The following ACACA variants were observed in gnomAD, a reference collection of about 807,000 sequenced individuals.
The protein encoded by ACACA is acetyl-CoA carboxylase 1.
A neutral mutation model predicts 296.1 loss-of-function variants in ACACA; 103 were observed. The ratio of observed to expected loss-of-function variants is 0.35; its 90% CI spans 0.30 to 0.41. The LOEUF is 0.41. ACACA is among the 10% of genes least tolerant of loss of function. ACACA has a pLI of 1.00. For synonymous variants in ACACA, 953 were observed against 1,038.6 expected (o/e 0.92, Z 1.58); for missense variants, 1,554 against 2,989.7 (o/e 0.52, Z 11.20).
intron 41 of ACACA, among the ~76,000 whole-genome samples, chr17:37,165,764 T>C (rs922650188): frequency 1.3e-5 from 2 of 150,496 alleles, no homozygotes; most frequent in Admixed American, 6.7e-5. Flanking sequence ...AACCTTCAAC[T>C]CCTGGGCTCA....
At chr17:37,350,931 C>T (rs975638275) in intron 1 of ACACA, among the ~76,000 whole-genome samples, 5 of 151,344 alleles carry the variant, frequency 3.3e-5, no homozygotes, top group Non-Finnish European at 7.4e-5. Flanking sequence ...TCGGGAGTTC[C>T]GGACCAGCGT....
At chr17:37,264,684 C>T (rs1245996687) in intron 10 of ACACA, among the ~76,000 whole-genome samples, 1 of 152,146 alleles carries the variant, frequency 6.6e-6, no homozygotes, top group Non-Finnish European at 1.5e-5. Flanking sequence ...TTCATCATTT[C>T]TTCAATTATT....
At chr17:37,348,024 T>C (rs1317081385) in intron 1 of ACACA, among the ~76,000 whole-genome samples, 1 of 151,602 alleles carries the variant, frequency 6.6e-6, no homozygotes, top group African/African-American at 2.4e-5. Flanking sequence ...AATGCAAAAA[T>C]TAGCCAGGTG....
At chr17:37,214,904 A>G (rs1290814095) in intron 29 of ACACA, among the ~76,000 whole-genome samples, 1 of 152,250 alleles carries the variant, frequency 6.6e-6, no homozygotes, top group East Asian at 1.9e-4. Context: ...TCTCAGTACT[A>G]TCCAAAGAAA....
chr17:37,224,428 T>G (rs2079442724), intron 27 of ACACA, among the ~76,000 whole-genome samples: 1 of 152,090 alleles, frequency 6.6e-6, no homozygotes, highest in Non-Finnish European at 1.5e-5. Flanking sequence ...ATAAAGTCAT[T>G]CCTGAGAAGA....
chr17:37,135,449 T>C (rs1233710716), intron 45 of ACACA, among the ~76,000 whole-genome samples: 2 of 152,152 alleles, frequency 1.3e-5, no homozygotes, highest in African/African-American at 4.8e-5. Context: ...GCCTCTGACA[T>C]GAGCCACAGC....
chr17:37,314,950 CTTT>C (rs71284913), intron 3 of ACACA, among the ~76,000 whole-genome samples: 161 of 60,794 alleles, frequency 2.6e-3, no homozygotes, highest in African/African-American at 0.013. Context: ...GCCAGGAATG[CTTT>C]TTTTTTTTTT....
intron 45 of ACACA, 26 bp from the exon 46 acceptor site, chr17:37,130,244 C>T (rs1437461194): frequency 6.8e-6 from 11 of 1,613,496 alleles, no homozygotes; most frequent in Non-Finnish European, 9.3e-6. Flanking sequence ...AGAGAAAAGA[C>T]ATTTGTCTCT....
intron 10 of ACACA, among the ~76,000 whole-genome samples, chr17:37,270,518 A>C (rs1341029575): frequency 6.6e-6 from 1 of 152,242 alleles, no homozygotes; most frequent in Non-Finnish European, 1.5e-5. Flanking sequence ...TATAAGACAG[A>C]ATAACTCTAC....
intron 25 of ACACA, among the ~76,000 whole-genome samples, chr17:37,229,449 G>A (rs1031132021): frequency 4.5e-4 from 68 of 151,466 alleles, no homozygotes; most frequent in African/African-American, 1.5e-3. Flanking sequence ...GACTACAGGC[G>A]CCCGCCACCA....
chr17:37,376,411 C>T (rs1253569596), intron 1 of ACACA, among the ~76,000 whole-genome samples: 3 of 152,142 alleles, frequency 2.0e-5, no homozygotes, highest in Non-Finnish European at 4.4e-5. Flanking sequence ...ATTAAAAGTC[C>T]TTTCACTGTT....
At chr17:37,389,760 G>A (rs1447748145) in intron 1 of ACACA, among the ~76,000 whole-genome samples, 1 of 151,894 alleles carries the variant, frequency 6.6e-6, no homozygotes, top group Non-Finnish European at 1.5e-5. Flanking sequence ...TCGTCCCTAA[G>A]AGGACTGTGA....
At position 37,320,816 on chromosome 17, in the gene ACACA, G is replaced by A. The variant is rs185469357; in HGVS notation, c.338+9357C>T. Among the ~76,000 whole-genome samples, 28 of 151,582 alleles carry A rather than the reference G, an allele frequency of 1.8e-4. No individual in the cohort carries two copies. In the East Asian group the frequency reaches 4.3e-3, roughly 23 times the overall value. On this transcript the variant is annotated intron_variant, in intron 3 of 55. Coordinates refer to ENST00000616317, the MANE Select transcript of ACACA (RefSeq NM_198834.3). ...ATGAAAATTAGCCAGGCATGATGGC[G>A]GGCACCTGTAATCCCAGCTACTTGG...
At chr17:37,399,899 C>T (rs899903125) in intron 1 of ACACA, among the ~76,000 whole-genome samples, 1 of 151,946 alleles carries the variant, frequency 6.6e-6, no homozygotes, top group African/African-American at 2.4e-5. Flanking sequence ...TTACTTATGG[C>T]ATATTTAAAC....
At chr17:37,388,146 C>T (rs2050630320) in intron 1 of ACACA, among the ~76,000 whole-genome samples, 1 of 152,014 alleles carries the variant, frequency 6.6e-6, no homozygotes, top group South Asian at 2.1e-4. Context: ...GTCTTGAGTG[C>T]CAGAGTGAGA....
chr17:37,112,972 G>T, intron 51 of ACACA, 116 bp downstream of exon 51: 1 of 1,280,188 alleles, frequency 7.8e-7, no homozygotes, highest in East Asian at 2.5e-5. Context: ...AAAAGCTTTG[G>T]TTTGGAATCA....
At chr17:37,364,636 GCC>G (rs762004469) in intron 1 of ACACA, among the ~76,000 whole-genome samples, 151,184 of 151,312 alleles carry the variant, frequency 1, 75,529 homozygotes, top group Middle Eastern at 1. Flanking sequence ...ACCATGAAGA[GCC>G]CCCCCTGTCC....
chr17:37,138,112 G>A (rs2075407285), intron 45 of ACACA, among the ~76,000 whole-genome samples: 1 of 152,170 alleles, frequency 6.6e-6, no homozygotes, highest in African/African-American at 2.4e-5. Context: ...GCCCAGGCAT[G>A]GTAATCTGTA....
At chr17:37,298,372 T>C (rs926522214) in intron 3 of ACACA, among the ~76,000 whole-genome samples, 8 of 152,214 alleles carry the variant, frequency 5.3e-5, no homozygotes, top group Admixed American at 3.9e-4. Context: ...CTCTACATTA[T>C]AAAAACAAGC....
Sources: allele counts gnomAD v4.1 joint callset (sites outside exome capture counted in the v4.1 genomes callset), GRCh38; gene constraint gnomAD v4.1.1; transcripts MANE v1.5; gene names NCBI Gene and HGNC (gene_info 2026-07-23, HGNC 2026-07-21).